PIK3R3: variants seen among roughly 807,000 people sequenced by gnomAD.
PIK3R3 encodes phosphatidylinositol 3-kinase regulatory subunit gamma.
Under a neutral mutation model 62.9 loss-of-function variants are expected in PIK3R3, and 64 were observed. The ratio of observed to expected loss-of-function variants is 1.02; its 90% CI spans 0.83 to 1.25. The LOEUF is 1.25. PIK3R3 is among the 50% of genes most tolerant of loss of function. The pLI, the probability that PIK3R3 is intolerant of heterozygous loss-of-function variation, is 0.00. For missense variants in PIK3R3, 614 were observed against 561.6 expected (o/e 1.09, Z -0.94); for synonymous variants, 165 against 189.0 (o/e 0.87, Z 1.04).
the PIK3R3 span, among the ~76,000 whole-genome samples, chr1:46,142,082 T>A: frequency 1.3e-5 from 2 of 152,220 alleles, no homozygotes; most frequent in Non-Finnish European, 2.9e-5. Flanking sequence ...CCTGTATTCA[T>A]CCCTTCAAAA....
At chr1:46,087,947 T>A (rs1364168532) in intron 1 of PIK3R3, among the ~76,000 whole-genome samples, 1 of 152,176 alleles carries the variant, frequency 6.6e-6, no homozygotes, top group African/African-American at 2.4e-5. Flanking sequence ...GGCCAAGGGC[T>A]GAGGGAAGGA....
At chr1:46,126,790 A>G (rs1002254883) in intron 1 of PIK3R3, among the ~76,000 whole-genome samples, 1 of 151,660 alleles carries the variant, frequency 6.6e-6, no homozygotes, top group African/African-American at 2.4e-5. Context: ...AGCCATATGT[A>G]TAATGCTTTA....
intron 1 of PIK3R3, among the ~76,000 whole-genome samples, chr1:46,090,115 A>G (rs1651475452): frequency 6.6e-6 from 1 of 151,926 alleles, no homozygotes; most frequent in South Asian, 2.1e-4. Flanking sequence ...TAAACTATAA[A>G]CCCATATTGT....
chr1:46,157,361 A>G, the PIK3R3 span, among the ~76,000 whole-genome samples: 313 of 152,194 alleles, frequency 2.1e-3, 4 homozygotes, highest in African/African-American at 7.2e-3. Context: ...TCGAACTCAT[A>G]AGCTCAAGCA....
At chr1:46,089,602 C>T (rs1324880139) in intron 1 of PIK3R3, among the ~76,000 whole-genome samples, 3 of 151,496 alleles carry the variant, frequency 2.0e-5, no homozygotes, top group South Asian at 2.1e-4. Context: ...GTAGTTCCAG[C>T]GACTCGGGAG....
intron 3 of PIK3R3, among the ~76,000 whole-genome samples, 193 bp from the exon 4 acceptor site, chr1:46,067,284 T>G (rs1649103872): frequency 1.2e-5 from 1 of 84,178 alleles, no homozygotes; most frequent in Non-Finnish European, 2.8e-5. Context: ...ATATAATTCA[T>G]TTTGCATTGT....
intron 3 of PIK3R3, among the ~76,000 whole-genome samples, chr1:46,075,167 T>C (rs1649951930): frequency 1.3e-5 from 2 of 152,232 alleles, no homozygotes; most frequent in South Asian, 4.1e-4. Context: ...CAAATGCAGA[T>C]ATTTAGCATA....
intron 1 of PIK3R3, among the ~76,000 whole-genome samples, chr1:46,094,113 CAA>C (rs1651898059): frequency 1.3e-5 from 2 of 149,378 alleles, no homozygotes; most frequent in Non-Finnish European, 3.0e-5. Context: ...ATCAAAGACA[CAA>C]AACAAACCTA....
intron 1 of PIK3R3, among the ~76,000 whole-genome samples, chr1:46,109,734 A>G (rs1653564356): frequency 6.6e-6 from 1 of 151,892 alleles, no homozygotes; most frequent in Non-Finnish European, 1.5e-5. Context: ...CGCCCACCTC[A>G]GCCTCCCAAA....
At chr1:46,055,103 C>T (rs1181874051) in intron 7 of PIK3R3, among the ~76,000 whole-genome samples, 3 of 145,446 alleles carry the variant, frequency 2.1e-5, no homozygotes, top group African/African-American at 5.2e-5. Context: ...AGGGTTTCAC[C>T]ATCTTTTTTT....
At chr1:46,059,628 CA>C (rs1557564810) in intron 6 of PIK3R3, among the ~76,000 whole-genome samples, 1 of 151,784 alleles carries the variant, frequency 6.6e-6, no homozygotes, top group Non-Finnish European at 1.5e-5. Flanking sequence ...CCCATCTCTA[CA>C]AAAAGATTTT....
chr1:46,061,822 G>A (rs1339437008), intron 6 of PIK3R3, 107 bp downstream of exon 6: 1 of 1,001,130 alleles, frequency 1.0e-6, no homozygotes, highest in Non-Finnish European at 1.6e-6. Context: ...GGTTCCAATA[G>A]TAGGGCTGTG....
At position 46,071,424 on chromosome 1, in the gene PIK3R3, G is replaced by A. The variant is rs182277558; in HGVS notation, c.315-4333C>T. On this transcript the variant is annotated intron_variant, in intron 3 of 9. Transcript: ENST00000262741. ...GCTAGAAGTCAACATCTATCCCCGC[G>A]GTAGCTCACGCCTATAATCCCAGCA... 7.2e-5 allele frequency among the ~76,000 whole-genome samples: 11 copies of A among 151,728 alleles called. No homozygotes were observed. In the East Asian group the frequency reaches 1.7e-3, roughly 24 times the overall value.
At position 46,092,357 on chromosome 1, in the gene PIK3R3, T is replaced by C. The variant is rs1422494874; in HGVS notation, c.107-11607A>G. Reference sequence around the variant, plus strand: ...TCACAAACGTACTCCTTGACTTCTGTTTTGTTTTGTTTTGTTTTGTTTTTG... The same window carrying C: ...TCACAAACGTACTCCTTGACTTCTGCTTTGTTTTGTTTTGTTTTGTTTTTG... On this transcript the variant is annotated intron_variant, in intron 1 of 9. Coordinates refer to ENST00000262741, the MANE Select transcript of PIK3R3 (RefSeq NM_003629.4). 2.6e-5 allele frequency among the ~76,000 whole-genome samples: 4 copies of C among 151,994 alleles called. No homozygotes were observed. The South Asian group carries it at 6.2e-4, about 24-fold the overall frequency.
chr1:46,174,722 A>G, the PIK3R3 span, among the ~76,000 whole-genome samples: 1 of 152,136 alleles, frequency 6.6e-6, no homozygotes, highest in Non-Finnish European at 1.5e-5. Flanking sequence ...AGAAATCCAA[A>G]TGGAAAATCC....
At chr1:46,154,122 T>C in the PIK3R3 span, among the ~76,000 whole-genome samples, 1 of 152,160 alleles carries the variant, frequency 6.6e-6, no homozygotes, top group African/African-American at 2.4e-5. Flanking sequence ...TCAGGTTAGG[T>C]AGGAAGCTCT....
At chr1:46,085,693 A>C (rs1221866123) in intron 1 of PIK3R3, among the ~76,000 whole-genome samples, 1 of 152,222 alleles carries the variant, frequency 6.6e-6, no homozygotes, top group Non-Finnish European at 1.5e-5. Flanking sequence ...TTGAGGGAAA[A>C]ACTGATTAGG....
Position 46,096,427 on chromosome 1 carries a change from GAC to G in PIK3R3, c.107-15679_107-15678del, listed in dbSNP as rs1652130266. ...GACTTTTATATTCAGCCATCTGAAA[GAC>G]AGTATACTAGGCAGATTTCACTGGA... On this transcript the variant is annotated intron_variant, in intron 1 of 9. Transcript: ENST00000262741. Among the ~76,000 whole-genome samples the G allele has an allele frequency of 2.0e-5, 3 of 152,138 alleles. No individual in the cohort carries two copies. In the South Asian group the frequency reaches 6.2e-4, roughly 31 times the overall value.
the PIK3R3 span, among the ~76,000 whole-genome samples, chr1:46,150,799 C>T: frequency 3.4e-5 from 5 of 145,706 alleles, no homozygotes; most frequent in Non-Finnish European, 6.0e-5. Flanking sequence ...TTCTGGTAAA[C>T]ACTCTTTTTT....
Sources: gnomAD v4.1 joint callset for allele counts (sites outside exome capture counted in the v4.1 genomes callset) on GRCh38, gnomAD v4.1.1 for gene constraint, MANE v1.5 for transcripts, NCBI Gene and HGNC (gene_info 2026-07-23, HGNC 2026-07-21) for gene names.